Variants in ELAVL2 observed in about 807,000 individuals in gnomAD.
ELAVL2 encodes the protein ELAV like RNA binding protein 2.
Under a neutral mutation model 34.6 loss-of-function variants are expected in ELAVL2, and 4 were observed. That is an observed-to-expected ratio of 0.12 (90% CI 0.06 to 0.26). The LOEUF (loss-of-function observed/expected upper bound fraction) is 0.26. Among genes scored for constraint, ELAVL2 ranks in the 10% least tolerant of loss-of-function variants. The pLI, the probability that ELAVL2 is intolerant of heterozygous loss-of-function variation, is 1.00. For synonymous variants in ELAVL2, 193 were observed against 154.8 expected, an observed-to-expected ratio of 1.25 and a Z score of -1.83; for missense variants, 432 against 442.8, an observed-to-expected ratio of 0.98 and a Z score of 0.22.
intron 1 of ELAVL2, among the ~76,000 whole-genome samples, chr9:23,817,374 A>C (rs1156881740): frequency 6.6e-6 from 1 of 152,246 alleles, no homozygotes; most frequent in Admixed American, 6.5e-5. Context: ...CTCTTCATAA[A>C]GATTTCTTAC....
chr9:23,842,753 C>A, the ELAVL2 span, among the ~76,000 whole-genome samples: 2 of 152,178 alleles, frequency 1.3e-5, no homozygotes, highest in Non-Finnish European at 2.9e-5. Flanking sequence ...CAGAATAACT[C>A]AAAATCTCTC....
At chr9:23,726,433 T>C (rs1331029063) in intron 3 of ELAVL2, among the ~76,000 whole-genome samples, 2 of 152,146 alleles carry the variant, frequency 1.3e-5, no homozygotes, top group South Asian at 2.1e-4. Flanking sequence ...GCAGTTTTTC[T>C]ATGGTAGTTA....
At chr9:23,762,832 A>C (rs2055346984) in intron 1 of ELAVL2, among the ~76,000 whole-genome samples, 1 of 152,110 alleles carries the variant, frequency 6.6e-6, no homozygotes, top group African/African-American at 2.4e-5. Flanking sequence ...ACAATATCTT[A>C]TCTCTACCAT....
At chr9:23,766,828 A>G (rs753488606) in intron 1 of ELAVL2, among the ~76,000 whole-genome samples, 2 of 152,132 alleles carry the variant, frequency 1.3e-5, no homozygotes, top group Non-Finnish European at 2.9e-5. Context: ...ATTCTGCTCT[A>G]CTCAATCTAC....
chr9:23,772,871 T>A (rs1785889312), intron 1 of ELAVL2, among the ~76,000 whole-genome samples: 1 of 152,166 alleles, frequency 6.6e-6, no homozygotes, highest in Non-Finnish European at 1.5e-5. Context: ...CTATGGAAAT[T>A]TGAGGCATCT....
At chr9:23,728,903 G>A (rs750084451) in intron 3 of ELAVL2, among the ~76,000 whole-genome samples, 1 of 152,090 alleles carries the variant, frequency 6.6e-6, no homozygotes, top group South Asian at 2.1e-4. Flanking sequence ...TAGGGGCGGG[G>A]AAAGAAGTAG....
intron 5 of ELAVL2, among the ~76,000 whole-genome samples, chr9:23,697,035 G>A (rs1366771269): frequency 1.3e-5 from 2 of 152,206 alleles, no homozygotes; most frequent in East Asian, 1.9e-4. Flanking sequence ...CCTGGGGGAA[G>A]ACTGAGCAAT....
At chr9:23,775,275 C>A (rs962484420) in intron 1 of ELAVL2, among the ~76,000 whole-genome samples, 5 of 152,128 alleles carry the variant, frequency 3.3e-5, no homozygotes, top group African/African-American at 1.2e-4. Context: ...TCTTGTGGAG[C>A]GGGCAAGGTG....
At chr9:23,752,868 C>T (rs1349220248) in intron 2 of ELAVL2, among the ~76,000 whole-genome samples, 1 of 152,080 alleles carries the variant, frequency 6.6e-6, no homozygotes, top group Non-Finnish European at 1.5e-5. Flanking sequence ...GATCACCCCT[C>T]GATTACATAA....
intron 3 of ELAVL2, among the ~76,000 whole-genome samples, chr9:23,726,049 T>C (rs1201121642): frequency 1.6e-4 from 24 of 151,912 alleles, no homozygotes; most frequent in Admixed American, 1.6e-3. Flanking sequence ...TATATTCCTA[T>C]GTTAAGGGTC....
chr9:23,734,950 T>C (rs182543355), intron 2 of ELAVL2, among the ~76,000 whole-genome samples: 1 of 151,984 alleles, frequency 6.6e-6, no homozygotes, highest in East Asian at 1.9e-4. Flanking sequence ...CAAGTCTCTC[T>C]GAATTTAGAA....
intron 5 of ELAVL2, among the ~76,000 whole-genome samples, chr9:23,696,140 C>A (rs1242343650): frequency 2.6e-5 from 4 of 152,144 alleles, no homozygotes; most frequent in Non-Finnish European, 5.9e-5. Context: ...TCTTTCTTCT[C>A]CTCCATCACC....
the ELAVL2 span, among the ~76,000 whole-genome samples, chr9:23,847,806 A>G: frequency 6.6e-6 from 1 of 152,134 alleles, no homozygotes; most frequent in Non-Finnish European, 1.5e-5. Flanking sequence ...TAAATATTTT[A>G]AAGGCAGTTA....
chr9:23,803,926 T>A (rs1039086290), intron 1 of ELAVL2, among the ~76,000 whole-genome samples: 2 of 152,140 alleles, frequency 1.3e-5, no homozygotes, highest in African/African-American at 2.4e-5. Flanking sequence ...GGCATCCACA[T>A]CCTAGTGTTT....
chr9:23,744,715 T>C (rs2050085440), intron 2 of ELAVL2, among the ~76,000 whole-genome samples: 1 of 151,904 alleles, frequency 6.6e-6, no homozygotes, highest in Non-Finnish European at 1.5e-5. Flanking sequence ...TATACTATTT[T>C]GGGCTTCTTT....
At chr9:23,722,348 T>C (rs146534108) in intron 3 of ELAVL2, among the ~76,000 whole-genome samples, 29 of 152,322 alleles carry the variant, frequency 1.9e-4, no homozygotes, top group African/African-American at 7.0e-4. Flanking sequence ...TAATAATAAT[T>C]TTACTGTTCA....
At chr9:23,763,174 GA>G (rs1173610955) in intron 1 of ELAVL2, among the ~76,000 whole-genome samples, 1 of 152,088 alleles carries the variant, frequency 6.6e-6, no homozygotes, top group Non-Finnish European at 1.5e-5. Flanking sequence ...TAAGCCTGTT[GA>G]AAATGCAAGT....
In ELAVL2 at chr9:23,727,393, T is replaced by C. The variant is rs537721870; in HGVS notation, c.333+3629A>G. 2.0e-5 allele frequency among the ~76,000 whole-genome samples: 3 copies of C among 152,280 alleles called. 1 individual carries two copies. Among genetic ancestry groups the C allele is most frequent in the African/African-American group, 7.2e-5 (3 of 41,560 alleles). ...CTGGTGAACCACGTTGAACTCTGAA[T>C]GCTAAACGATCGCCCAGCATGCTCA... On this transcript the variant is annotated intron_variant, in intron 3 of 6. Coordinates refer to ENST00000397312, the MANE Select transcript of ELAVL2 (RefSeq NM_004432.5).
chr9:23,729,663 TATCTAGAA>T (rs572788333), intron 3 of ELAVL2, among the ~76,000 whole-genome samples: 51 of 152,202 alleles, frequency 3.4e-4, no homozygotes, highest in African/African-American at 1.2e-3. Context: ...GCTCAAGAAG[TATCTAGAA>T]TTCTTGGACC....
Sources: allele counts gnomAD v4.1 joint callset (sites outside exome capture counted in the v4.1 genomes callset), GRCh38; gene constraint gnomAD v4.1.1; transcripts MANE v1.5; gene names NCBI Gene and HGNC (gene_info 2026-07-23, HGNC 2026-07-21).